THRB: variants seen among roughly 807,000 people sequenced by gnomAD.
THRB encodes the protein thyroid hormone receptor beta.
Under a neutral mutation model 47.8 loss-of-function variants are expected in THRB, and 12 were observed. That is an observed-to-expected ratio of 0.25 (90% confidence interval 0.16 to 0.41). The LOEUF is 0.41. THRB is among the 10% of genes least tolerant of loss of function. The probability of loss-of-function intolerance (pLI) is 1.00; values close to 1 mark genes in which losing one functional copy is unlikely to be tolerated. For synonymous variants in THRB, 218 were observed against 212.2 expected (o/e 1.03, Z -0.24); for missense variants, 348 against 589.2 (o/e 0.59, Z 4.24).
At chr3:24,317,282 G>C (rs183669648) in intron 2 of THRB, among the ~76,000 whole-genome samples, 1 of 152,158 alleles carries the variant, frequency 6.6e-6, no homozygotes. Context: ...CTTGTGAGAA[G>C]TAAACAAGTT....
chr3:24,154,325 C>G (rs1185626633), intron 5 of THRB, among the ~76,000 whole-genome samples: 1 of 152,148 alleles, frequency 6.6e-6, no homozygotes, highest in East Asian at 1.9e-4. Flanking sequence ...AGTCATTTAT[C>G]TATGAATTCA....
intron 2 of THRB, among the ~76,000 whole-genome samples, chr3:24,302,526 G>C (rs1388848226): frequency 6.6e-6 from 1 of 152,164 alleles, no homozygotes; most frequent in Non-Finnish European, 1.5e-5. Context: ...TGAACTTGCT[G>C]TTCACTCTTC....
chr3:24,249,948 C>T (rs1241992143), intron 3 of THRB, among the ~76,000 whole-genome samples: 1 of 152,176 alleles, frequency 6.6e-6, no homozygotes, highest in Non-Finnish European at 1.5e-5. Flanking sequence ...GTGATATAGT[C>T]TTCACCATTA....
chr3:24,406,654 T>A (rs892406333), intron 1 of THRB, among the ~76,000 whole-genome samples: 4 of 151,736 alleles, frequency 2.6e-5, no homozygotes, highest in Admixed American at 6.6e-5. Flanking sequence ...TGTTTTTCTA[T>A]CCCTAGAATA....
chr3:24,420,946 C>G (rs1263487144), intron 1 of THRB, among the ~76,000 whole-genome samples: 2 of 151,836 alleles, frequency 1.3e-5, no homozygotes, highest in Non-Finnish European at 2.9e-5. Context: ...ATGAAATCAA[C>G]CTAAATGCCC....
chr3:24,415,520 G>C (rs950903434), intron 1 of THRB, among the ~76,000 whole-genome samples: 1 of 151,694 alleles, frequency 6.6e-6, no homozygotes, highest in Admixed American at 6.6e-5. Flanking sequence ...ATAAATACTT[G>C]TTTTTATTTC....
intron 2 of THRB, among the ~76,000 whole-genome samples, chr3:24,304,913 T>G (rs1460204269): frequency 6.6e-6 from 1 of 152,118 alleles, no homozygotes; most frequent in Non-Finnish European, 1.5e-5. Context: ...AAATGGATGA[T>G]TTCTTAGCAA....
At chr3:24,454,267 A>G (rs1233225974) in intron 1 of THRB, among the ~76,000 whole-genome samples, 1 of 152,266 alleles carries the variant, frequency 6.6e-6, no homozygotes, top group Non-Finnish European at 1.5e-5. Flanking sequence ...AAAGTCAAAC[A>G]TATTGTATTA....
intron 5 of THRB, among the ~76,000 whole-genome samples, chr3:24,170,460 CTTGT>C (rs2040283374): frequency 1.3e-5 from 2 of 152,132 alleles, no homozygotes; most frequent in Admixed American, 6.6e-5. Context: ...ATGTTTCTTC[CTTGT>C]TTAAAACCTT....
chr3:24,448,858 A>G (rs1447987099), intron 1 of THRB, among the ~76,000 whole-genome samples: 1 of 152,224 alleles, frequency 6.6e-6, no homozygotes, highest in African/African-American at 2.4e-5. Flanking sequence ...AAGCCAGCAG[A>G]TGACAGGGAA....
At chr3:24,310,288 G>A (rs1023035678) in intron 2 of THRB, among the ~76,000 whole-genome samples, 4 of 152,148 alleles carry the variant, frequency 2.6e-5, no homozygotes, top group African/African-American at 4.8e-5. Context: ...GATAGGAAAC[G>A]ATTTACCAAT....
rs1245058686 is a variant in THRB, at chr3:24,269,383, TCA to T, written c.-43+27841_-43+27842del. ...CGACACCATCATAGCTCATCATAGC[TCA>T]CACGCGCGCGCGCGCGCGCACACAC... On this transcript the variant is annotated intron_variant, in intron 3 of 10. Coordinates refer to ENST00000646209, the MANE Select transcript of THRB (RefSeq NM_001354712.2). 5.5e-3 allele frequency among the ~76,000 whole-genome samples: 574 copies of T among 103,776 alleles called. 8 individuals carry two copies. Among genetic ancestry groups the T allele is most frequent in the African/African-American group, 0.019 (499 of 26,684 alleles). The allele number at this position is 103,776 out of a possible 152,430, so 68.1% of individuals were successfully genotyped here. A position where few individuals can be genotyped will look rare whatever the true frequency, so the allele number is the denominator to read the frequency against.
At chr3:24,133,203 C>T in intron 9 of THRB, 113 bp downstream of exon 9, 5 of 1,247,764 alleles carry the variant, frequency 4.0e-6, no homozygotes, top group Non-Finnish European at 5.8e-6. Context: ...ACGTTGCTTT[C>T]ATATGATTAA....
intron 1 of THRB, among the ~76,000 whole-genome samples, chr3:24,486,928 GT>G (rs751324793): frequency 7.2e-5 from 11 of 152,118 alleles, no homozygotes; most frequent in Non-Finnish European, 1.5e-4. Flanking sequence ...AGAAATTGCA[GT>G]GAAGCCTAGG....
At chr3:24,330,297 G>C (rs1348170414) in intron 2 of THRB, among the ~76,000 whole-genome samples, 1 of 151,854 alleles carries the variant, frequency 6.6e-6, no homozygotes, top group Non-Finnish European at 1.5e-5. Context: ...CTGGGCGACA[G>C]AGCGAGACTC....
chr3:24,152,033 A>T (rs1159878125), intron 6 of THRB, among the ~76,000 whole-genome samples: 2 of 152,222 alleles, frequency 1.3e-5, no homozygotes, highest in African/African-American at 4.8e-5. Context: ...ACAAGAAGAG[A>T]AACAGTCATT....
chr3:24,404,553 A>G (rs1195065989), intron 1 of THRB, among the ~76,000 whole-genome samples: 1 of 151,968 alleles, frequency 6.6e-6, no homozygotes, highest in Non-Finnish European at 1.5e-5. Flanking sequence ...TAGGCCAGAC[A>G]TGCAAAATTG....
intron 1 of THRB, among the ~76,000 whole-genome samples, chr3:24,365,301 G>A (rs572339584): frequency 1.1e-3 from 175 of 152,198 alleles, no homozygotes; most frequent in Non-Finnish European, 2.0e-3. Flanking sequence ...GGCAGAACAG[G>A]CACTCCCTCT....
At chr3:24,462,188 A>G (rs2073763216) in intron 1 of THRB, among the ~76,000 whole-genome samples, 2 of 152,168 alleles carry the variant, frequency 1.3e-5, no homozygotes, top group Admixed American at 6.5e-5. Flanking sequence ...TTTCAGCAGC[A>G]TGTTATCCCA....
Sources: gnomAD v4.1 joint callset for allele counts (sites outside exome capture counted in the v4.1 genomes callset) on GRCh38, gnomAD v4.1.1 for gene constraint, MANE v1.5 for transcripts, NCBI Gene and HGNC (gene_info 2026-07-23, HGNC 2026-07-21) for gene names.